The following ARHGAP44 variants were observed in gnomAD, a reference collection of about 807,000 sequenced individuals.
ARHGAP44 encodes Rho GTPase activating protein 44.
Under a neutral mutation model 106.8 loss-of-function variants are expected in ARHGAP44, and 43 were observed. The ratio of observed to expected loss-of-function variants is 0.40; its 90% CI spans 0.32 to 0.52. The LOEUF (loss-of-function observed/expected upper bound fraction) is 0.52, where lower values mean the gene tolerates loss of function less well. Among genes scored for constraint, ARHGAP44 ranks in the 20% least tolerant of loss-of-function variants. ARHGAP44 has a pLI of 0.48. For synonymous variants in ARHGAP44, 439 were observed against 410.3 expected, an observed-to-expected ratio of 1.07 and a Z score of -0.85; for missense variants, 866 against 1,050.5, an observed-to-expected ratio of 0.82 and a Z score of 2.43.
chr17:12,912,727 GC>G (rs1485406579), intron 4 of ARHGAP44, among the ~76,000 whole-genome samples: 1 of 152,158 alleles, frequency 6.6e-6, no homozygotes, highest in African/African-American at 2.4e-5. Context: ...CTGAGCAAAA[GC>G]AGCAATGGAA....
At chr17:12,810,319 A>G (rs2150778305) in intron 1 of ARHGAP44, among the ~76,000 whole-genome samples, 1 of 152,336 alleles carries the variant, frequency 6.6e-6, no homozygotes, top group East Asian at 1.9e-4. Flanking sequence ...CTCTCTGAAG[A>G]ATCTAGGGGA....
intron 10 of ARHGAP44, among the ~76,000 whole-genome samples, chr17:12,946,583 G>A (rs2038857163): frequency 6.6e-6 from 1 of 151,900 alleles, no homozygotes; most frequent in Non-Finnish European, 1.5e-5. Flanking sequence ...CAGATCACCT[G>A]AGGTTAGGAA....
At chr17:12,854,681 G>A (rs553286852) in intron 1 of ARHGAP44, among the ~76,000 whole-genome samples, 3 of 152,280 alleles carry the variant, frequency 2.0e-5, no homozygotes, top group African/African-American at 7.2e-5. Flanking sequence ...TGTCTTGGCT[G>A]AGCGCGGTGG....
chr17:12,830,502 A>T (rs62060429), intron 1 of ARHGAP44, among the ~76,000 whole-genome samples: 15,719 of 152,114 alleles, frequency 0.1, 1,698 homozygotes, highest in African/African-American at 0.28. Context: ...TTCTTATCAT[A>T]GGAGATATTT....
chr17:12,943,665 A>G lies in ARHGAP44; in HGVS notation c.729A>G (p.Gln243=). Residue 243 remains glutamine (Q), a synonymous_variant, in exon 9 of 21, where the codon CAA becomes CAG. Coordinates refer to ENST00000379672, the MANE Select transcript of ARHGAP44 (RefSeq NM_014859.6). ...LQAVLPQIKA[Q]QEAWVEKPSF... ...CTGTATTGCCTCAGATCAAAGCACA[A>G]CAGGGTAAGTGCAGGCCTTCCCTGG... The G allele has an allele frequency of 6.2e-7, 1 of 1,613,742 alleles. No individual in the cohort carries two copies. The highest frequency in any genetic ancestry group is 8.5e-7 in the Non-Finnish European group (1 of 1,179,846).
intron 1 of ARHGAP44, among the ~76,000 whole-genome samples, chr17:12,886,799 C>G (rs1269387999): frequency 2.0e-5 from 3 of 151,982 alleles, no homozygotes; most frequent in Non-Finnish European, 1.5e-5. Context: ...TCATATTACA[C>G]TAACTTAAAC....
chr17:12,956,760 C>G lies in ARHGAP44; in HGVS notation c.1342+14C>G. The G allele has an allele frequency of 6.2e-7, 1 of 1,611,658 alleles. No individual in the cohort carries two copies. ...TCTTCCCTGGGGGTAGGTGACAGCA[C>G]CTAGGTGTGGGGGCAAGAGGCAGGG... On this transcript the variant is annotated intron_variant, in intron 15 of 20. Transcript: ENST00000379672.
At chr17:12,936,885 A>C (rs2038563726) in intron 7 of ARHGAP44, among the ~76,000 whole-genome samples, 1 of 152,158 alleles carries the variant, frequency 6.6e-6, no homozygotes, top group Non-Finnish European at 1.5e-5. Flanking sequence ...TGGCCATTTC[A>C]ATTAAGGTTC....
chr17:12,862,491 TTGA>T (rs2036115475), intron 1 of ARHGAP44, among the ~76,000 whole-genome samples: 1 of 152,186 alleles, frequency 6.6e-6, no homozygotes. Context: ...AACATCTGCA[TTGA>T]TGACCCACAG....
At chr17:12,883,030 C>T (rs962296761) in intron 1 of ARHGAP44, among the ~76,000 whole-genome samples, 2 of 151,720 alleles carry the variant, frequency 1.3e-5, no homozygotes, top group Admixed American at 1.3e-4. Flanking sequence ...ACCTGTAAAA[C>T]ATCTTGGTCT....
At chr17:12,828,028 C>CAAA (rs60301804) in intron 1 of ARHGAP44, among the ~76,000 whole-genome samples, 45 of 73,742 alleles carry the variant, frequency 6.1e-4, no homozygotes, top group Non-Finnish European at 7.2e-4. Flanking sequence ...CTGGCCATCT[C>CAAA]AAAAAAAAAA....
intron 1 of ARHGAP44, among the ~76,000 whole-genome samples, chr17:12,884,086 G>A (rs4791511): frequency 0.7 from 106,288 of 152,004 alleles, 37,772 homozygotes; most frequent in East Asian, 0.98. Flanking sequence ...TATTAGATTA[G>A]TTTGAAATAG....
intron 1 of ARHGAP44, among the ~76,000 whole-genome samples, chr17:12,881,878 A>G (rs12451889): frequency 0.046 from 6,964 of 152,036 alleles, 228 homozygotes; most frequent in Admixed American, 0.08. Context: ...TTTTTGTAAG[A>G]CAACGTCTCA....
rs114186281 is a variant in ARHGAP44 at position 12,941,214 on chromosome 17, A to G, written c.651+90A>G. ...AATTAAGAGTCCCTTAATTGATCAC[A>G]TCATAGAAAAAGGTGGGAGCTTTGA... On this transcript the variant is annotated intron_variant, in intron 8 of 20. Coordinates refer to ENST00000379672, the MANE Select transcript of ARHGAP44 (RefSeq NM_014859.6). The G allele has an allele frequency of 2.1e-3, 2,527 of 1,219,786 alleles. 43 individuals carry two copies. In the African/African-American group the frequency reaches 0.033, roughly 16 times the overall value. 75.6% of individuals were successfully genotyped at this position (1,219,786 alleles called of 1,614,324 possible). A position where few individuals can be genotyped will look rare whatever the true frequency, so the allele number is the denominator to read the frequency against.
intron 6 of ARHGAP44, among the ~76,000 whole-genome samples, chr17:12,926,183 G>A (rs1453307418): frequency 6.6e-6 from 1 of 151,744 alleles, no homozygotes; most frequent in Non-Finnish European, 1.5e-5. Context: ...TGACCAACAT[G>A]GCGAAACCCC....
intron 18 of ARHGAP44, among the ~76,000 whole-genome samples, chr17:12,975,306 A>C (rs2039648393): frequency 6.6e-6 from 1 of 151,802 alleles, no homozygotes; most frequent in African/African-American, 2.4e-5. Context: ...TAGTCATAGC[A>C]GCCACTTTTT....
chr17:12,956,945 T>C (rs903061046), intron 15 of ARHGAP44, among the ~76,000 whole-genome samples, 199 bp downstream of exon 15: 1 of 152,016 alleles, frequency 6.6e-6, no homozygotes, highest in Non-Finnish European at 1.5e-5. Context: ...GGCAGCTTCC[T>C]GTTCTGTAAT....
At chr17:12,863,159 T>A (rs1397288165) in intron 1 of ARHGAP44, among the ~76,000 whole-genome samples, 1 of 151,838 alleles carries the variant, frequency 6.6e-6, no homozygotes, top group African/African-American at 2.4e-5. Flanking sequence ...AAAATAATTT[T>A]AAAAAATTAA....
chr17:12,982,073 A>C (rs1203964111), intron 19 of ARHGAP44, among the ~76,000 whole-genome samples: 3 of 152,104 alleles, frequency 2.0e-5, no homozygotes, highest in Non-Finnish European at 4.4e-5. Context: ...TGGCTAAGTC[A>C]TTGTCTCGTC....
Sources: allele counts gnomAD v4.1 joint callset (sites outside exome capture counted in the v4.1 genomes callset), GRCh38; gene constraint gnomAD v4.1.1; transcripts MANE v1.5; gene names NCBI Gene and HGNC (gene_info 2026-07-23, HGNC 2026-07-21).